Variants in SCAF1 observed in about 807,000 individuals in gnomAD.
The protein encoded by SCAF1 is SR-related CTD associated factor 1.
SCAF1 carries 28 observed loss-of-function variants against 91.2 expected under a neutral mutation model. The ratio of observed to expected loss-of-function variants is 0.31; its 90% CI spans 0.23 to 0.42. The LOEUF is 0.42. SCAF1 is among the 10% of genes least tolerant of loss of function. The pLI, the probability that SCAF1 is intolerant of heterozygous loss-of-function variation, is 1.00. For synonymous variants in SCAF1, 1,036 were observed against 833.7 expected (o/e 1.24, Z -4.18); for missense variants, 1,893 against 1,872.1 (o/e 1.01, Z -0.21).
Position 49,652,773 on chromosome 19 carries a change from C to G in SCAF1, c.2384C>G (p.Ala795Gly). ...DRDRDRSSKK[A>G]RPPKESAPSS... ...GACAGGGACAGGTCATCCAAGAAGGCCCGGCCCCCCAAGGAGTCGGCGCCT... is the reference window on the plus strand; with the variant it reads ...GACAGGGACAGGTCATCCAAGAAGGGCCGGCCCCCCAAGGAGTCGGCGCCT... The change falls in exon 7 of 11, where the codon GCC (alanine) becomes GGC (glycine). Residue 795 changes from alanine to glycine, a missense_variant. Transcript: ENST00000360565. 6.2e-7 allele frequency: 1 copy of G among 1,612,980 alleles called. No homozygotes were observed. The highest frequency in any genetic ancestry group is 1.3e-5 in the African/African-American group (1 of 75,002).
At position 49,646,517 on chromosome 19, in the gene SCAF1, C is replaced by T. The variant is rs374069357; in HGVS notation, c.262-9C>T. On this transcript the variant is annotated splice_polypyrimidine_tract_variant and intron_variant, in intron 4 of 10. Coordinates refer to ENST00000360565, the MANE Select transcript of SCAF1 (RefSeq NM_021228.3). This position sits in a 1 kb window ranked among gnomAD's most constrained non-coding sequence, Gnocchi z 5.6. ...AGGGACGGCGTAGAGCCTCTCTGGC[C>T]TCTTCCAGGTGTTGGACATGGCCAC... The T allele has an allele frequency of 1.7e-4, 274 of 1,613,018 alleles. 5 individuals carry two copies. In the South Asian group the frequency reaches 2.8e-3, roughly 17 times the overall value.
intron 7 of SCAF1, 29 bp downstream of exon 7, chr19:49,653,734 T>TG: frequency 1.3e-6 from 2 of 1,482,852 alleles, no homozygotes; most frequent in Non-Finnish European, 1.8e-6. Context: ...AGGGTGGTGC[T>TG]GGGGCAGGTG....
In SCAF1 at chr19:49,652,055, C is replaced by A. The variant is rs752467474; in HGVS notation, c.1666C>A (p.Arg556Ser). 1.6e-6 allele frequency: 2 copies of A among 1,232,066 alleles called. No homozygotes were observed. Among genetic ancestry groups the A allele is most frequent in the Non-Finnish European group, 2.1e-6 (2 of 974,152 alleles). The allele number at this position is 1,232,066 out of a possible 1,614,324, so 76.3% of individuals were successfully genotyped here. Residue 556 changes from arginine (R) to serine (S), a missense_variant, in exon 7 of 11, where the codon CGC (arginine) becomes AGC (serine). Arg to Ser is a moderately radical substitution (Grantham distance 110, BLOSUM62 -1). Transcript: ENST00000360565. ...PASPWDSKKH[R>S]SRDRKPGSHA... ...CTCGCCCTGGGACTCCAAGAAGCAC[C>A]GCTCGCGGGACCGCAAGCCCGGCTC...
rs930556670 is a variant in SCAF1, at chr19:49,653,010, C to A, written c.2621C>A (p.Ser874Tyr). 1 of 1,613,994 alleles carries A rather than the reference C, an allele frequency of 6.2e-7. No homozygotes were observed. The highest frequency in any genetic ancestry group is 2.2e-5 in the East Asian group (1 of 44,882). Residue 874 changes from serine to tyrosine, a missense_variant, in exon 7 of 11, where the codon TCC (serine) becomes TAC (tyrosine). By Grantham distance (144) the Ser-to-Tyr change is moderately radical. Around this residue, in one of 5 missense-constraint regions of SCAF1, gnomAD observed 1,436 missense variants for 1,306.8 expected, o/e 1.10. Transcript: ENST00000360565. Reference protein sequence around the residue: ...VKFSRDRESRSPFLKPDERAP... With the variant: ...VKFSRDRESRYPFLKPDERAP... The stretch of plus-strand genomic sequence containing the variant: ...TTCAGCCGTGACCGCGAGAGTCGCT[C>A]CCCCTTCCTCAAACCTGACGAGCGG...
rs777729326 is a variant in SCAF1 at position 49,645,009 on chromosome 19, C to T, written c.-6-12C>T. The T allele has an allele frequency of 1.9e-6, 3 of 1,602,876 alleles. No individual in the cohort carries two copies. The highest frequency in any genetic ancestry group is 1.1e-5 in the South Asian group (1 of 90,732). ...GGACCTCCACTCCAAACTCTCCCCC[C>T]TGGACCCCCAGGTGACCATGGAGGA... is the stretch of plus-strand genomic sequence containing the variant. On this transcript the variant is annotated splice_polypyrimidine_tract_variant and intron_variant, in intron 1 of 10. Transcript: ENST00000360565. This position sits in a 1 kb window ranked among gnomAD's most constrained non-coding sequence, Gnocchi z 4.6.
In SCAF1 at chr19:49,652,004, A is replaced by C. The variant is rs990920905; in HGVS notation, c.1615A>C (p.Thr539Pro). The C allele has an allele frequency of 8.4e-7, 1 of 1,193,830 alleles. No individual in the cohort carries two copies. The highest frequency in any genetic ancestry group is 5.6e-5 in the East Asian group (1 of 17,960). 74.0% of individuals were successfully genotyped at this position (1,193,830 alleles called of 1,614,324 possible). Residue 539 changes from threonine to proline, a missense_variant, in exon 7 of 11, where the codon ACC (threonine) becomes CCC (proline). Thr to Pro is a conservative substitution (Grantham distance 38, BLOSUM62 -1). Around this residue, in one of 5 missense-constraint regions of SCAF1, gnomAD observed 1,436 missense variants for 1,306.8 expected, o/e 1.10. Coordinates refer to ENST00000360565, the MANE Select transcript of SCAF1 (RefSeq NM_021228.3). Reference sequence around the variant, plus strand: ...GGAGGCCGCCTCGTCCTCGTCGGGCACCCAGCCAGCGCCGCCCGCCCCGGC... The same window carrying C: ...GGAGGCCGCCTCGTCCTCGTCGGGCCCCCAGCCAGCGCCGCCCGCCCCGGC... ...AKEAASSSSG[T>P]QPAPPAPASP...
At position 49,650,959 on chromosome 19, in the gene SCAF1, C is replaced by G. The variant is rs373203311; in HGVS notation, c.570C>G (p.Pro190=). Reference sequence around the variant, plus strand: ...GGGGCCCTGCCCCACCCCCTGCCCCCTCCTCTGCATCCTCCTCCCCTTCCC... The same window carrying G: ...GGGGCCCTGCCCCACCCCCTGCCCCGTCCTCTGCATCCTCCTCCCCTTCCC... The part of the protein sequence containing the change: ...GDGGPAPPPA[P]SSASSSPSPS... Residue 190 remains proline, a synonymous_variant, in exon 7 of 11, where the codon CCC becomes CCG. Coordinates refer to ENST00000360565, the MANE Select transcript of SCAF1 (RefSeq NM_021228.3). 1 of 1,535,050 alleles carries G rather than the reference C, an allele frequency of 6.5e-7. No individual in the cohort carries two copies. The highest frequency in any genetic ancestry group is 8.9e-7 in the Non-Finnish European group (1 of 1,125,632).
rs746093764 is a variant in SCAF1 at position 49,658,192 on chromosome 19, G to A, written c.3748-16G>A. 6.8e-6 allele frequency: 11 copies of A among 1,607,220 alleles called. No homozygotes were observed. In the South Asian group the frequency reaches 1.1e-4, roughly 16 times the overall value. ...CGGGAGCCTGGTGGTGACTCCAACT[G>A]TCCCCGGCCCCCCAGATCTGCCACA... is the stretch of plus-strand genomic sequence containing the variant. On this transcript the variant is annotated splice_polypyrimidine_tract_variant and intron_variant, in intron 10 of 10. Transcript: ENST00000360565.
At position 49,657,782 on chromosome 19, in the gene SCAF1, C is replaced by A; in HGVS notation, c.3640C>A (p.Gln1214Lys). The A allele has an allele frequency of 6.2e-7, 1 of 1,603,950 alleles. No homozygotes were observed. Among genetic ancestry groups the A allele is most frequent in the South Asian group, 1.1e-5 (1 of 89,570 alleles). ...CCAGTATCTGAAGAAGCTGCACACG[C>A]AGGAGCGGGCGGTGGAGGAGGTGAA... ...TDKYLKKLHT[Q>K]ERAVEEVKLA... The change falls in exon 10 of 11, where the codon CAG becomes AAG. Residue 1214 changes from glutamine (Q) to lysine (K), a missense_variant. Gln to Lys is a moderately conservative substitution (Grantham distance 53, BLOSUM62 1). This residue lies in a region of SCAF1 where 56 missense variants were observed against 106.3 expected (regional missense o/e 0.53). Transcript: ENST00000360565.
At position 49,651,917 on chromosome 19, in the gene SCAF1, G is replaced by C. The variant is rs1400343866; in HGVS notation, c.1528G>C (p.Ala510Pro). ...GGCGCCCGCGCCCGCCCCGGCCGCC[G>C]CTGCTGGTCCGCCCACGCGCAAGAA... ...SPAPAPAPAA[A>P]AGPPTRKKSR... Residue 510 changes from alanine to proline, a missense_variant, in exon 7 of 11, where the codon GCT (alanine) becomes CCT (proline). By Grantham distance (27) the Ala-to-Pro change is conservative (BLOSUM62 -1). Around this residue, in one of 5 missense-constraint regions of SCAF1, gnomAD observed 1,436 missense variants for 1,306.8 expected, o/e 1.10. Transcript: ENST00000360565. The C allele has an allele frequency of 8.7e-7, 1 of 1,151,092 alleles. No homozygotes were observed. The highest frequency in any genetic ancestry group is 1.1e-6 in the Non-Finnish European group (1 of 932,670). 71.3% of individuals were successfully genotyped at this position (1,151,092 alleles called of 1,614,324 possible). A position where few individuals can be genotyped will look rare whatever the true frequency, so the allele number is the denominator to read the frequency against.
rs2081055238 is a variant in SCAF1, at chr19:49,646,361, C to G, written c.261+159C>G. On this transcript the variant is annotated intron_variant, in intron 4 of 10. Coordinates refer to ENST00000360565, the MANE Select transcript of SCAF1 (RefSeq NM_021228.3). The surrounding 1 kb of genome is among the most constrained non-coding windows in gnomAD (Gnocchi z 5.6). ...AGAGTCTGGGGGCCTGATCTGTGGG[C>G]CTGAGCTTTGAGTGTTGATGGCAGT... Among the ~76,000 whole-genome samples the G allele has an allele frequency of 6.6e-6, 1 of 152,020 alleles. No homozygotes were observed. Among genetic ancestry groups the G allele is most frequent in the Non-Finnish European group, 1.5e-5 (1 of 68,000 alleles).
chr19:49,645,003 TC>T lies in SCAF1; in HGVS notation c.-6-12del, dbSNP rs748206303. 1.9e-6 allele frequency: 3 copies of T among 1,593,478 alleles called. No homozygotes were observed. The highest frequency in any genetic ancestry group is 1.7e-6 in the Non-Finnish European group (2 of 1,162,550). On this transcript the variant is annotated splice_polypyrimidine_tract_variant and intron_variant, in intron 1 of 10. Transcript: ENST00000360565. The surrounding 1 kb of genome is among the most constrained non-coding windows in gnomAD (Gnocchi z 4.6). ...CTCCCGGGACCTCCACTCCAAACTC[TC>T]CCCCCTGGACCCCCAGGTGACCATG...
At chr19:49,658,187 C>A in intron 10 of SCAF1, 21 bp from the exon 11 acceptor site, 15 of 1,604,864 alleles carry the variant, frequency 9.3e-6, no homozygotes, top group Non-Finnish European at 1.3e-5. Context: ...GTGGTGACTC[C>A]AACTGTCCCC....
intron 9 of SCAF1, 69 bp downstream of exon 9, chr19:49,654,939 C>A: frequency 8.1e-7 from 1 of 1,241,110 alleles, no homozygotes; most frequent in Non-Finnish European, 1.1e-6. Flanking sequence ...GGAACTGAGA[C>A]GCGGGGGCCC....
Position 49,644,830 on chromosome 19 carries a change from C to T in SCAF1, c.-6-191C>T. The T allele has an allele frequency of 5.8e-6, 3 of 520,308 alleles. No individual in the cohort carries two copies. In the South Asian group the frequency reaches 7.8e-5, roughly 14 times the overall value. The allele number at this position is 520,308 out of a possible 1,614,324, so 32.2% of individuals were successfully genotyped here. A position where few individuals can be genotyped will look rare whatever the true frequency, so the allele number is the denominator to read the frequency against. ...AAAGGAAGAGAATTGCTCCTAGTCC[C>T]TGGGGTGTCTGTGCTGGGTCCAGCG... On this transcript the variant is annotated intron_variant, in intron 1 of 10. Coordinates refer to ENST00000360565, the MANE Select transcript of SCAF1 (RefSeq NM_021228.3).
chr19:49,646,020 G>A lies in SCAF1; in HGVS notation c.167-88G>A. On this transcript the variant is annotated intron_variant, in intron 3 of 10. Coordinates refer to ENST00000360565, the MANE Select transcript of SCAF1 (RefSeq NM_021228.3). The surrounding 1 kb of genome is among the most constrained non-coding windows in gnomAD (Gnocchi z 5.6). The stretch of plus-strand genomic sequence containing the variant: ...TGCGGGAGGCTGGTTCCGCTGTCAG[G>A]AACTAGATCAAGCTCCTCTTTCCTC... 1 of 1,245,288 alleles carries A rather than the reference G, an allele frequency of 8.0e-7. No individual in the cohort carries two copies. The allele number at this position is 1,245,288 out of a possible 1,614,324, so 77.1% of individuals were successfully genotyped here.
intron 6 of SCAF1, among the ~76,000 whole-genome samples, 193 bp from the exon 7 acceptor site, chr19:49,650,675 C>T (rs1316782744): frequency 1.3e-5 from 2 of 152,110 alleles, no homozygotes; most frequent in Admixed American, 6.5e-5. Flanking sequence ...GCCTCAGTTT[C>T]CTCCTGTGAC....
Position 49,651,202 on chromosome 19 carries a change from G to A in SCAF1, c.813G>A (p.Glu271=), listed in dbSNP as rs142052897. 1 of 1,612,792 alleles carries A rather than the reference G, an allele frequency of 6.2e-7. No homozygotes were observed. Among genetic ancestry groups the A allele is most frequent in the Non-Finnish European group, 8.5e-7 (1 of 1,179,548 alleles). Reference sequence around the variant, plus strand: ...GGACCCCCTCACCTGAGGAGGAAGAGGAGGAGGAAGAGGAAGAAGAAGAGG... The same window carrying A: ...GGACCCCCTCACCTGAGGAGGAAGAAGAGGAGGAAGAGGAAGAAGAAGAGG... ...SAGTPSPEEE[E]EEEEEEEEEE... Residue 271 remains glutamate, a synonymous_variant, in exon 7 of 11, where the codon GAG becomes GAA. Transcript: ENST00000360565.
At position 49,652,191 on chromosome 19, in the gene SCAF1, G is replaced by A. The variant is rs1314489751; in HGVS notation, c.1802G>A (p.Arg601Gln). Residue 601 changes from arginine (R) to glutamine (Q), a missense_variant, in exon 7 of 11, where the codon CGG becomes CAG. Around this residue, in one of 5 missense-constraint regions of SCAF1, gnomAD observed 1,436 missense variants for 1,306.8 expected, o/e 1.10. Coordinates refer to ENST00000360565, the MANE Select transcript of SCAF1 (RefSeq NM_021228.3). ...DRRRGGSRRS[R>Q]SREKRRRRRR... ...CGCCGCGGGGGCAGCCGCAGGTCGCGGTCCCGGGAGAAGCGGCGACGGCGG... is the reference window on the plus strand; with the variant it reads ...CGCCGCGGGGGCAGCCGCAGGTCGCAGTCCCGGGAGAAGCGGCGACGGCGG... 6.4e-6 allele frequency: 8 copies of A among 1,245,190 alleles called. No individual in the cohort carries two copies. The African/African-American group carries it at 1.1e-4, about 17-fold the overall frequency. The allele number at this position is 1,245,190 out of a possible 1,614,324, so 77.1% of individuals were successfully genotyped here. A position where few individuals can be genotyped will look rare whatever the true frequency, so the allele number is the denominator to read the frequency against.
Sources: allele counts gnomAD v4.1 joint callset (sites outside exome capture counted in the v4.1 genomes callset), GRCh38; gene constraint gnomAD v4.1.1; regional missense constraint gnomAD v4.1.1; non-coding constraint Gnocchi (gnomAD v3.1); transcripts MANE v1.5; gene names NCBI Gene and HGNC (gene_info 2026-07-23, HGNC 2026-07-21).